The following LTBP1 variants were observed in gnomAD, a reference collection of about 807,000 sequenced individuals.
The protein encoded by LTBP1 is latent-transforming growth factor beta-binding protein 1.
Under a neutral mutation model 207.6 loss-of-function variants are expected in LTBP1, and 129 were observed. The ratio of observed to expected loss-of-function variants is 0.62; its 90% CI spans 0.54 to 0.72. The LOEUF is 0.72. Among genes scored for constraint, LTBP1 ranks in the 30% least tolerant of loss-of-function variants. LTBP1 has a pLI of 0.00. For missense variants in LTBP1, 2,281 were observed against 2,217.2 expected (o/e 1.03, Z -0.58); for synonymous variants, 963 against 833.7 (o/e 1.16, Z -2.67).
At chr2:33,072,411 T>C (rs796707071) in intron 3 of LTBP1, among the ~76,000 whole-genome samples, 5 of 152,268 alleles carry the variant, frequency 3.3e-5, no homozygotes, top group African/African-American at 1.2e-4. Flanking sequence ...CCAAGGCCTG[T>C]CCAGATTCTC....
At chr2:33,122,304 G>T (rs1262154070) in intron 4 of LTBP1, among the ~76,000 whole-genome samples, 1 of 152,206 alleles carries the variant, frequency 6.6e-6, no homozygotes, top group East Asian at 1.9e-4. Context: ...CAGCAGGGCA[G>T]ATTTACTTTT....
At chr2:33,087,399 T>C (rs1047455563) in intron 3 of LTBP1, among the ~76,000 whole-genome samples, 6 of 152,164 alleles carry the variant, frequency 3.9e-5, no homozygotes, top group African/African-American at 1.4e-4. Context: ...TTACCACTGT[T>C]GCACTTTCAG....
At chr2:33,331,312 T>C (rs2094491932) in intron 24 of LTBP1, among the ~76,000 whole-genome samples, 1 of 151,962 alleles carries the variant, frequency 6.6e-6, no homozygotes, top group Non-Finnish European at 1.5e-5. Context: ...AGTAGATCTT[T>C]AAATCATTAG....
chr2:33,262,043 G>A lies in LTBP1; in HGVS notation c.2419-679G>A, dbSNP rs191438500. On this transcript the variant is annotated intron_variant, in intron 13 of 33. Transcript: ENST00000404816. The stretch of plus-strand genomic sequence containing the variant: ...CCTGAGCCCTGCACAGTTGTAAATG[G>A]AAGCTGAGCCACGGATGATGGACTG... 1.7e-3 allele frequency among the ~76,000 whole-genome samples: 252 copies of A among 152,276 alleles called. 1 individual carries two copies. The highest frequency in any genetic ancestry group is 1.8e-3 in the Non-Finnish European group (120 of 68,034).
At chr2:33,336,295 C>A (rs1387840037) in intron 24 of LTBP1, among the ~76,000 whole-genome samples, 3 of 152,176 alleles carry the variant, frequency 2.0e-5, no homozygotes, top group African/African-American at 7.2e-5. Context: ...CTAGGACTAA[C>A]CTTTTTTAAC....
At chr2:33,252,294 C>CATAGAGATAA (rs2092707548) in intron 10 of LTBP1, among the ~76,000 whole-genome samples, 1 of 152,094 alleles carries the variant, frequency 6.6e-6, no homozygotes, top group Non-Finnish European at 1.5e-5. Flanking sequence ...TAAATGCTGC[C>CATAGAGATAA]CTAGAGTTAT....
chr2:33,376,015 G>A (rs918727475), intron 31 of LTBP1, among the ~76,000 whole-genome samples: 3 of 151,702 alleles, frequency 2.0e-5, no homozygotes, highest in Admixed American at 1.3e-4. Flanking sequence ...CTCAAAGAAC[G>A]GATTAAACTT....
intron 2 of LTBP1, among the ~76,000 whole-genome samples, chr2:32,970,085 C>A (rs1013672919): frequency 6.6e-6 from 1 of 152,068 alleles, no homozygotes; most frequent in African/African-American, 2.4e-5. Flanking sequence ...AATGTCTGTT[C>A]ATTTCCTTTG....
intron 2 of LTBP1, among the ~76,000 whole-genome samples, chr2:32,974,727 T>G (rs1681440251): frequency 6.6e-6 from 1 of 152,232 alleles, no homozygotes; most frequent in South Asian, 2.1e-4. Flanking sequence ...GTTTGCTTAG[T>G]AGATTTTTCT....
intron 31 of LTBP1, among the ~76,000 whole-genome samples, chr2:33,377,664 TC>T (rs2095157900): frequency 6.6e-6 from 1 of 152,224 alleles, no homozygotes; most frequent in South Asian, 2.1e-4. Context: ...AACAATCTGA[TC>T]CTAAAAAGCA....
chr2:32,978,666 A>ATT (rs375742867), intron 2 of LTBP1, among the ~76,000 whole-genome samples: 4,686 of 115,622 alleles, frequency 0.041, 132 homozygotes, highest in Non-Finnish European at 0.068. Flanking sequence ...TTTTTTTTTA[A>ATT]TTTTTTTTTT....
Position 33,188,840 on chromosome 2 carries a change from A to G in LTBP1, c.1690A>G (p.Ile564Val), listed in dbSNP as rs1178600771. 8 of 1,614,128 alleles carry G rather than the reference A, an allele frequency of 5.0e-6. No individual in the cohort carries two copies. Among genetic ancestry groups the G allele is most frequent in the Admixed American group, 1.7e-5 (1 of 60,020 alleles). ...TQLGRCFQET[I>V]GSQCGKALPG... ...GCTTGGCCGGTGCTTCCAGGAAACCATTGGGTCACAGGTAAACATCATCAC... is the reference window on the plus strand; with the variant it reads ...GCTTGGCCGGTGCTTCCAGGAAACCGTTGGGTCACAGGTAAACATCATCAC... Residue 564 changes from isoleucine to valine, a missense_variant, in exon 7 of 34, where the codon ATT becomes GTT. Ile to Val is a conservative substitution (Grantham distance 29). Coordinates refer to ENST00000404816, the MANE Select transcript of LTBP1 (RefSeq NM_206943.4).
intron 2 of LTBP1, among the ~76,000 whole-genome samples, chr2:32,975,897 C>T (rs1681703720): frequency 1.3e-5 from 2 of 152,098 alleles, no homozygotes; most frequent in African/African-American, 4.8e-5. Context: ...AATTCTATGT[C>T]TGTCATTTCA....
chr2:33,264,946 T>C (rs1573508172), intron 15 of LTBP1, among the ~76,000 whole-genome samples: 1 of 149,678 alleles, frequency 6.7e-6, no homozygotes, highest in African/African-American at 2.5e-5. Context: ...GGGGAGTTGA[T>C]AGCATAAGTT....
At chr2:33,397,082 G>A (rs1243502379) in intron 32 of LTBP1, 51 bp from the exon 33 acceptor site, 7 of 1,558,674 alleles carry the variant, frequency 4.5e-6, no homozygotes, top group Admixed American at 1.8e-5. Flanking sequence ...TTTACAAAAT[G>A]ATATAGGAAG....
In LTBP1 at chr2:33,134,410, C is replaced by T. The variant is rs1264524569; in HGVS notation, c.1034-383C>T. On this transcript the variant is annotated intron_variant, in intron 4 of 33. Transcript: ENST00000404816. The surrounding 1 kb of genome is among the most constrained non-coding windows in gnomAD (Gnocchi z 4.4). Reference sequence around the variant, plus strand: ...TTCACCGCTAGGTGCACGGCCAACCCCTTTGCATTACATCTGCCTGTCAGG... The same window carrying T: ...TTCACCGCTAGGTGCACGGCCAACCTCTTTGCATTACATCTGCCTGTCAGG... The T allele has an allele frequency of 3.7e-6, 2 of 542,946 alleles. No individual in the cohort carries two copies. The highest frequency in any genetic ancestry group is 3.0e-5 in the South Asian group (2 of 65,664). 33.6% of individuals were successfully genotyped at this position (542,946 alleles called of 1,614,324 possible). A position where few individuals can be genotyped will look rare whatever the true frequency, so the allele number is the denominator to read the frequency against.
intron 24 of LTBP1, among the ~76,000 whole-genome samples, chr2:33,329,750 T>G (rs1219165059): frequency 6.6e-6 from 1 of 152,154 alleles, no homozygotes; most frequent in African/African-American, 2.4e-5. Context: ...TTATCTGTCT[T>G]TGTACCATTT....
chr2:33,168,409 AAAAAAAAG>A (rs1326419262), intron 5 of LTBP1, among the ~76,000 whole-genome samples: 9 of 150,954 alleles, frequency 6.0e-5, no homozygotes, highest in East Asian at 3.9e-4. Context: ...CAAAAAAAAA[AAAAAAAAG>A]AAAAAAGAAA....
chr2:33,347,444 G>A lies in LTBP1; in HGVS notation c.3934G>A (p.Val1312Met), dbSNP rs780061448. The change falls in exon 26 of 34, where the codon GTG (valine) becomes ATG (methionine). Residue 1312 changes from valine (V) to methionine (M), a missense_variant. By Grantham distance (21) the Val-to-Met change is conservative. This residue lies in a region of LTBP1 where 1,671 missense variants were observed against 1,634.8 expected (regional missense o/e 1.02). Coordinates refer to ENST00000404816, the MANE Select transcript of LTBP1 (RefSeq NM_206943.4). ...CENVEGSFLC[V>M]CADENQEYSP... is the part of the protein sequence containing the mutation. ...AAACGTGGAAGGGTCCTTCCTGTGC[G>A]TGTGTGCTGATGAAAACCAAGAGTA... 4.2e-5 allele frequency: 68 copies of A among 1,614,084 alleles called. No homozygotes were observed. The highest frequency in any genetic ancestry group is 5.5e-5 in the South Asian group (5 of 91,086).
Sources: allele counts gnomAD v4.1 joint callset (sites outside exome capture counted in the v4.1 genomes callset), GRCh38; gene constraint gnomAD v4.1.1; regional missense constraint gnomAD v4.1.1; non-coding constraint Gnocchi (gnomAD v3.1); transcripts MANE v1.5; gene names NCBI Gene and HGNC (gene_info 2026-07-23, HGNC 2026-07-21).